Variants in GFOD2 observed in about 807,000 individuals in gnomAD.
GFOD2 encodes Gfo/Idh/MocA-like oxidoreductase domain containing 2, also known as glucose-fructose oxidoreductase domain-containing protein 2.
Under a neutral mutation model 24.6 loss-of-function variants are expected in GFOD2, and 9 were observed. The ratio of observed to expected loss-of-function variants is 0.37; its 90% confidence interval spans 0.22 to 0.64. GFOD2 has a LOEUF of 0.64. Ranked by LOEUF, GFOD2 falls within the 30% of genes least tolerant of loss-of-function variation. The pLI is 0.65. For synonymous variants in GFOD2, 211 were observed against 224.8 expected, an observed-to-expected ratio of 0.94 and a Z score of 0.55; for missense variants, 476 against 532.5, an observed-to-expected ratio of 0.89 and a Z score of 1.04.
At chr16:67,695,486 G>C (rs952965490) in intron 1 of GFOD2, among the ~76,000 whole-genome samples, 3 of 151,564 alleles carry the variant, frequency 2.0e-5, no homozygotes, top group Non-Finnish European at 2.9e-5. Context: ...ATAGGAGCTT[G>C]ACAGTGTCAA....
intron 1 of GFOD2, among the ~76,000 whole-genome samples, chr16:67,706,559 GAC>G (rs1286393232): frequency 2.0e-5 from 3 of 152,008 alleles, no homozygotes; most frequent in Admixed American, 6.6e-5. Context: ...ATTAATTCAA[GAC>G]AGATCAAAGA....
At position 67,675,109 on chromosome 16, in the gene GFOD2, C is replaced by T. The variant is rs761413494; in HGVS notation, c.*46G>A. 1 of 1,557,364 alleles carries T rather than the reference C, an allele frequency of 6.4e-7. No homozygotes were observed. Among genetic ancestry groups the T allele is most frequent in the Non-Finnish European group, 8.7e-7 (1 of 1,148,144 alleles). Reference sequence around the variant, plus strand: ...TCCCTGTCATGTCTGGCTCCTGTTCCCCTCCCTGGTCCCTCTGCCCTGTGG... The same window carrying T: ...TCCCTGTCATGTCTGGCTCCTGTTCTCCTCCCTGGTCCCTCTGCCCTGTGG... On this transcript the variant is annotated 3_prime_UTR_variant, in exon 3 of 3. Coordinates refer to ENST00000268797, the MANE Select transcript of GFOD2 (RefSeq NM_030819.4).
intron 2 of GFOD2, chr16:67,683,838 C>T (rs951410343): frequency 1.6e-5 from 20 of 1,214,206 alleles, no homozygotes; most frequent in Non-Finnish European, 1.8e-5. Flanking sequence ...TAGAGATCTT[C>T]GGCTGCATCA....
intron 1 of GFOD2, among the ~76,000 whole-genome samples, chr16:67,686,256 C>G (rs1262825894): frequency 6.6e-6 from 1 of 152,144 alleles, no homozygotes; most frequent in Non-Finnish European, 1.5e-5. Flanking sequence ...TGCACTCCAG[C>G]CTGGGCAACA....
At chr16:67,713,925 C>T (rs758428910) in intron 1 of GFOD2, among the ~76,000 whole-genome samples, 18 of 152,106 alleles carry the variant, frequency 1.2e-4, no homozygotes, top group Admixed American at 8.5e-4. Flanking sequence ...AACTCATTAG[C>T]ATACAAAAAA....
Position 67,685,810 on chromosome 16 carries a change from AG to A in GFOD2, c.-87-9del. 1 of 1,414,306 alleles carries A rather than the reference AG, an allele frequency of 7.1e-7. No individual in the cohort carries two copies. The highest frequency in any genetic ancestry group is 9.6e-7 in the Non-Finnish European group (1 of 1,042,884). 87.6% of individuals were successfully genotyped at this position (1,414,306 alleles called of 1,614,324 possible). On this transcript the variant is annotated splice_polypyrimidine_tract_variant and intron_variant, in intron 1 of 2. Transcript: ENST00000268797. ...CCTGGTCAGACATGGCTCCTAGAATAGCAAACATTACACTGGTTATTACTGG... is the reference window on the plus strand; with the variant it reads ...CCTGGTCAGACATGGCTCCTAGAATACAAACATTACACTGGTTATTACTGG...
intron 1 of GFOD2, among the ~76,000 whole-genome samples, chr16:67,703,642 G>C (rs1337807652): frequency 6.6e-6 from 1 of 152,142 alleles, no homozygotes; most frequent in African/African-American, 2.4e-5. Flanking sequence ...TGCAGATTTT[G>C]ACACTGAAAA....
At chr16:67,684,961 C>A (rs2053254866) in intron 2 of GFOD2, 1 of 1,002,776 alleles carries the variant, frequency 1.0e-6, no homozygotes. Context: ...GCTGGCAGAG[C>A]CTTCCTGTCC....
intron 1 of GFOD2, among the ~76,000 whole-genome samples, chr16:67,691,672 C>T (rs547514162): frequency 6.6e-6 from 1 of 152,158 alleles, no homozygotes; most frequent in Non-Finnish European, 1.5e-5. Context: ...GCTCCTCCCT[C>T]TGCACCTTCT....
At chr16:67,686,013 C>T (rs2053263594) in intron 1 of GFOD2, among the ~76,000 whole-genome samples, 1 of 151,998 alleles carries the variant, frequency 6.6e-6, no homozygotes, top group Non-Finnish European at 1.5e-5. Flanking sequence ...TCATGCATGC[C>T]TGTAACCCCA....
intron 2 of GFOD2, among the ~76,000 whole-genome samples, chr16:67,678,901 C>T (rs916680121): frequency 2.6e-5 from 4 of 152,200 alleles, no homozygotes. Context: ...GGCGTGGTGG[C>T]TCACGCTTAT....
chr16:67,678,862 A>G (rs1443692984), intron 2 of GFOD2, among the ~76,000 whole-genome samples: 9 of 151,838 alleles, frequency 5.9e-5, no homozygotes. Context: ...AAAAAAGCCC[A>G]TTGTGACTTG....
chr16:67,716,424 T>C (rs1038267149), intron 1 of GFOD2, among the ~76,000 whole-genome samples: 3 of 152,240 alleles, frequency 2.0e-5, no homozygotes, highest in African/African-American at 7.2e-5. Flanking sequence ...TCTACCTTTC[T>C]CTGAAAACAA....
At chr16:67,690,018 C>A (rs2053299074) in intron 1 of GFOD2, among the ~76,000 whole-genome samples, 1 of 152,196 alleles carries the variant, frequency 6.6e-6, no homozygotes, top group African/African-American at 2.4e-5. Flanking sequence ...TATGTCAGGA[C>A]TTCCTTCCTT....
intron 1 of GFOD2, among the ~76,000 whole-genome samples, chr16:67,709,868 T>G (rs1047979936): frequency 1.1e-4 from 16 of 152,190 alleles, no homozygotes; most frequent in Non-Finnish European, 1.5e-4. Context: ...CCTCAAGTGA[T>G]CCGCCCGTCT....
intron 1 of GFOD2, among the ~76,000 whole-genome samples, chr16:67,711,529 G>C (rs2053473811): frequency 1.3e-5 from 2 of 152,072 alleles, no homozygotes; most frequent in African/African-American, 4.8e-5. Context: ...GCTTTTAAAT[G>C]TTATCTATTC....
chr16:67,703,318 G>A (rs1322261396), intron 1 of GFOD2, among the ~76,000 whole-genome samples: 1 of 152,104 alleles, frequency 6.6e-6, no homozygotes, highest in Non-Finnish European at 1.5e-5. Flanking sequence ...CAGGAGAATC[G>A]CTTGAACCCA....
intron 1 of GFOD2, among the ~76,000 whole-genome samples, chr16:67,687,599 C>T (rs2053277473): frequency 6.9e-6 from 1 of 144,572 alleles, no homozygotes. Context: ...TGAGATCGCG[C>T]CAATGCACTC....
intron 1 of GFOD2, among the ~76,000 whole-genome samples, chr16:67,695,746 G>C (rs2053353962): frequency 6.6e-6 from 1 of 151,842 alleles, no homozygotes; most frequent in African/African-American, 2.4e-5. Flanking sequence ...ATATTGGCCA[G>C]GCTGGTCTCG....
Sources: gnomAD v4.1 joint callset for allele counts (sites outside exome capture counted in the v4.1 genomes callset) on GRCh38, gnomAD v4.1.1 for gene constraint, MANE v1.5 for transcripts, NCBI Gene and HGNC (gene_info 2026-07-23, HGNC 2026-07-21) for gene names.